The following SLF1 variants were observed in gnomAD, a reference collection of about 807,000 sequenced individuals.
SLF1 encodes SMC5/6 complex localization factor 1, also known as SMC5-SMC6 complex localization factor protein 1.
A neutral mutation model predicts 123.0 loss-of-function variants in SLF1; 105 were observed. That is an observed-to-expected ratio of 0.85 (90% CI 0.73 to 1.00). The LOEUF is 1.00. Among genes scored for constraint, SLF1 ranks in the 50% least tolerant of loss-of-function variants. The probability of loss-of-function intolerance (pLI) is 0.00; values close to 1 mark genes in which losing one functional copy is unlikely to be tolerated. For synonymous variants in SLF1, 434 were observed against 406.6 expected (o/e 1.07, Z -0.81); for missense variants, 1,239 against 1,223.0 (o/e 1.01, Z -0.20).
chr5:94,690,727 T>A (rs1350142095), intron 18 of SLF1, among the ~76,000 whole-genome samples: 2 of 151,980 alleles, frequency 1.3e-5, no homozygotes, highest in African/African-American at 4.8e-5. Flanking sequence ...AAGCAGTCAT[T>A]TATAGTAATT....
At chr5:94,689,329 T>A (rs1752808554) in intron 17 of SLF1, 144 bp from the exon 18 acceptor site, 1 of 845,766 alleles carries the variant, frequency 1.2e-6, no homozygotes, top group Admixed American at 3.6e-5. Context: ...TGAAATAAAT[T>A]TTAAAATTAG....
At chr5:94,652,509 A>G (rs560110815) in intron 7 of SLF1, among the ~76,000 whole-genome samples, 2 of 152,200 alleles carry the variant, frequency 1.3e-5, no homozygotes, top group Non-Finnish European at 2.9e-5. Context: ...TTGCTAATGT[A>G]TATAAAATTT....
chr5:94,624,041 C>T (rs1424702327), intron 1 of SLF1, among the ~76,000 whole-genome samples: 1 of 152,062 alleles, frequency 6.6e-6, no homozygotes, highest in African/African-American at 2.4e-5. Flanking sequence ...AAAACTGTTA[C>T]AAAACTGTGC....
intron 11 of SLF1, among the ~76,000 whole-genome samples, chr5:94,664,670 T>C (rs774112035): frequency 4.2e-5 from 6 of 143,506 alleles, no homozygotes; most frequent in African/African-American, 1.5e-4. Flanking sequence ...AATAGTTTGT[T>C]ACTTTTAGTT....
At chr5:94,645,509 A>T (rs1347280170) in intron 5 of SLF1, among the ~76,000 whole-genome samples, 1 of 152,232 alleles carries the variant, frequency 6.6e-6, no homozygotes. Flanking sequence ...GTTTAAATGT[A>T]GTATTAACTA....
At chr5:94,657,919 T>G (rs1748604862) in intron 9 of SLF1, among the ~76,000 whole-genome samples, 1 of 152,112 alleles carries the variant, frequency 6.6e-6, no homozygotes, top group Admixed American at 6.5e-5. Flanking sequence ...CTTCTTCACT[T>G]TCAGTCTTTA....
intron 18 of SLF1, 126 bp downstream of exon 18, chr5:94,689,732 C>G: frequency 1.3e-6 from 1 of 765,482 alleles, no homozygotes; most frequent in Non-Finnish European, 2.0e-6. Flanking sequence ...CCAGGAAGTA[C>G]CTTCTTGGAT....
At chr5:94,638,617 C>T (rs1746084809) in intron 4 of SLF1, among the ~76,000 whole-genome samples, 1 of 152,214 alleles carries the variant, frequency 6.6e-6, no homozygotes. Context: ...CTCCAGTTCT[C>T]TTTGCCCACA....
At chr5:94,648,303 T>C (rs1651815011) in intron 5 of SLF1, among the ~76,000 whole-genome samples, 1 of 152,230 alleles carries the variant, frequency 6.6e-6, no homozygotes, top group Non-Finnish European at 1.5e-5. Context: ...TATTCTGTGG[T>C]TTCAGGATTG....
chr5:94,637,234 CA>C (rs1745919774), intron 4 of SLF1, among the ~76,000 whole-genome samples: 1 of 152,114 alleles, frequency 6.6e-6, no homozygotes, highest in Non-Finnish European at 1.5e-5. Flanking sequence ...GTTTAGTGAT[CA>C]CTGGGAGATC....
chr5:94,619,246 G>C (rs1385827198), intron 1 of SLF1, among the ~76,000 whole-genome samples: 1 of 152,090 alleles, frequency 6.6e-6, no homozygotes, highest in Non-Finnish European at 1.5e-5. Flanking sequence ...CCACTTTCCT[G>C]TGACGAAGAA....
At chr5:94,689,426 G>A (rs748555788) in intron 17 of SLF1, 47 bp from the exon 18 acceptor site, 23 of 1,579,892 alleles carry the variant, frequency 1.5e-5, no homozygotes, top group Admixed American at 5.5e-5. Flanking sequence ...ATGCTGGCAC[G>A]CCTTGCTGAA....
At chr5:94,693,379 G>T (rs1215672448) in intron 20 of SLF1, among the ~76,000 whole-genome samples, 1 of 151,816 alleles carries the variant, frequency 6.6e-6, no homozygotes, top group Non-Finnish European at 1.5e-5. Context: ...CGTGTGTCTG[G>T]CATTCAGGCC....
At chr5:94,644,113 TAAATC>T (rs1256401065) in intron 5 of SLF1, among the ~76,000 whole-genome samples, 3 of 152,160 alleles carry the variant, frequency 2.0e-5, no homozygotes, top group South Asian at 2.1e-4. Context: ...AAATGTTTCT[TAAATC>T]AAACCACTTC....
At chr5:94,661,277 T>C (rs1407360475) in intron 9 of SLF1, among the ~76,000 whole-genome samples, 2 of 152,148 alleles carry the variant, frequency 1.3e-5, no homozygotes, top group African/African-American at 4.8e-5. Flanking sequence ...TCTGTGTAGA[T>C]GTCTCTTGTT....
intron 4 of SLF1, among the ~76,000 whole-genome samples, chr5:94,639,919 G>A (rs1167721591): frequency 1.3e-5 from 2 of 151,972 alleles, no homozygotes; most frequent in Admixed American, 6.6e-5. Context: ...GTTGTTCACG[G>A]GTCAACTGTA....
At chr5:94,646,573 A>G (rs1675156349) in intron 5 of SLF1, among the ~76,000 whole-genome samples, 1 of 152,202 alleles carries the variant, frequency 6.6e-6, no homozygotes, top group Non-Finnish European at 1.5e-5. Flanking sequence ...ACGTATCTCA[A>G]TTGTTTGGCC....
At chr5:94,683,368 A>G (rs1219685035) in intron 15 of SLF1, among the ~76,000 whole-genome samples, 1 of 152,218 alleles carries the variant, frequency 6.6e-6, no homozygotes, top group African/African-American at 2.4e-5. Flanking sequence ...AGTTTTCTAT[A>G]CAGTGGAAGA....
intron 15 of SLF1, among the ~76,000 whole-genome samples, chr5:94,685,047 G>A (rs1405814860): frequency 6.6e-6 from 1 of 152,196 alleles, no homozygotes; most frequent in Admixed American, 6.5e-5. Flanking sequence ...ATTACCAAAT[G>A]TTACCTGAGA....
Sources: allele counts gnomAD v4.1 joint callset (sites outside exome capture counted in the v4.1 genomes callset), GRCh38; gene constraint gnomAD v4.1.1; transcripts MANE v1.5; gene names NCBI Gene and HGNC (gene_info 2026-07-23, HGNC 2026-07-21).